GRIN2C: variants seen among roughly 807,000 people sequenced by gnomAD.
GRIN2C encodes the protein glutamate ionotropic receptor NMDA type subunit 2C.
GRIN2C carries 64 observed loss-of-function variants against 77.7 expected under a neutral mutation model. The ratio of observed to expected loss-of-function variants is 0.82; its 90% CI spans 0.67 to 1.01. The LOEUF (loss-of-function observed/expected upper bound fraction) is 1.01, where lower values mean the gene tolerates loss of function less well. GRIN2C is among the 50% of genes least tolerant of loss of function. The probability of loss-of-function intolerance (pLI) is 0.00; values close to 1 mark genes in which losing one functional copy is unlikely to be tolerated. For missense variants in GRIN2C, 1,549 were observed against 1,486.0 expected (o/e 1.04, Z -0.70); for synonymous variants, 792 against 643.4 (o/e 1.23, Z -3.49).
In GRIN2C at chr17:74,851,631, C is replaced by G; in HGVS notation, c.1059G>C (p.Leu353=). 1 of 1,573,028 alleles carries G rather than the reference C, an allele frequency of 6.4e-7. No individual in the cohort carries two copies. The highest frequency in any genetic ancestry group is 8.6e-7 in the Non-Finnish European group (1 of 1,158,180). ...CGATCACCACCATGGTGGGCTGGAC[C>G]AGGTACCCACCAGGGCTGAAGGAGA... The part of the protein sequence containing the change: ...RDFSFSPGGY[L]VQPTMVVIAL... Residue 353 remains leucine (L), a synonymous_variant, in exon 4 of 13, where the codon CTG becomes CTC. Coordinates refer to ENST00000293190, the MANE Select transcript of GRIN2C (RefSeq NM_000835.6).
rs761149425 is a variant in GRIN2C at position 74,846,091 on chromosome 17, C to T, written c.2325G>A (p.Leu775=). 1 of 1,614,200 alleles carries T rather than the reference C, an allele frequency of 6.2e-7. No individual in the cohort carries two copies. Among genetic ancestry groups the T allele is most frequent in the South Asian group, 1.1e-5 (1 of 91,086 alleles). The change falls in exon 11 of 13, where the codon CTG becomes CTA. Residue 775 remains leucine (L), a synonymous_variant. Transcript: ENST00000293190. This position sits in a 1 kb window ranked among gnomAD's most constrained non-coding sequence, Gnocchi z 4.4. The stretch of plus-strand genomic sequence containing the variant: ...CGTCCCCCAGGAACTGCAAGAGCGC[C>T]AGGTCTATGGCCCGCTTCCAGTGGG... ...KDSHWKRAID[L]ALLQFLGDGE... is the part of the protein sequence containing the mutation.
rs114900143 is a variant in GRIN2C, at chr17:74,851,376, T to C, written c.1113+201A>G. ...ATAGTAGAGGGAAGCCGGGGTGTTA[T>C]GGGAGCCCAGAGCAGGGCACCTCAC... On this transcript the variant is annotated intron_variant, in intron 4 of 12. Transcript: ENST00000293190. 1.9e-3 allele frequency: 1,098 copies of C among 563,758 alleles called. 11 individuals are homozygous for C. The highest frequency in any genetic ancestry group is 0.019 in the African/African-American group (1,023 of 53,294). 34.9% of individuals were successfully genotyped at this position (563,758 alleles called of 1,614,324 possible).
In GRIN2C at chr17:74,847,149, G is replaced by A; in HGVS notation, c.2001+159C>T. 1 of 726,160 alleles carries A rather than the reference G, an allele frequency of 1.4e-6. No individual in the cohort carries two copies. The highest frequency in any genetic ancestry group is 2.2e-6 in the Non-Finnish European group (1 of 444,816). The allele number at this position is 726,160 out of a possible 1,614,324, so 45.0% of individuals were successfully genotyped here. On this transcript the variant is annotated intron_variant, in intron 9 of 12. Coordinates refer to ENST00000293190, the MANE Select transcript of GRIN2C (RefSeq NM_000835.6). The surrounding 1 kb of genome is among the most constrained non-coding windows in gnomAD (Gnocchi z 5.2). ...AGCCGGTGGCCCTGAGCCATCTCTT[G>A]CCCCAGCCCCCAACCCCTTCTCAGC...
At chr17:74,860,140 G>A (rs953061362), upstream of GRIN2C, among the ~76,000 whole-genome samples, 15 of 152,084 alleles carry the variant, frequency 9.9e-5, no homozygotes, top group Non-Finnish European at 2.1e-4. Context: ...GAACCCAGGT[G>A]TCCCGGACCT....
At position 74,849,032 on chromosome 17, in the gene GRIN2C, AG is replaced by A. The variant is rs1235902344; in HGVS notation, c.1645+747del. 6.8e-6 allele frequency among the ~76,000 whole-genome samples: 1 copy of A among 147,534 alleles called. No homozygotes were observed. Among genetic ancestry groups the A allele is most frequent in the African/African-American group, 2.5e-5 (1 of 40,710 alleles). On this transcript the variant is annotated intron_variant, in intron 7 of 12. Coordinates refer to ENST00000293190, the MANE Select transcript of GRIN2C (RefSeq NM_000835.6). This position sits in a 1 kb window ranked among gnomAD's most constrained non-coding sequence, Gnocchi z 4.6. The stretch of plus-strand genomic sequence containing the variant: ...CACCCTGTCTCAAAAAAAAAAAGGA[AG>A]GAAAGAAGAAAGGAAGAGTGGGAAG...
chr17:74,853,011 T>A, intron 2 of GRIN2C: 1 of 174,982 alleles, frequency 5.7e-6, no homozygotes, highest in Non-Finnish European at 1.2e-5. Flanking sequence ...CAACTGAATC[T>A]GAATTCCAGA....
intron 3 of GRIN2C, 65 bp downstream of exon 3, chr17:74,851,948 C>T: frequency 7.7e-7 from 1 of 1,293,014 alleles, no homozygotes; most frequent in Non-Finnish European, 1.0e-6. Flanking sequence ...CCCAAACTCA[C>T]TGCCAGCCAG....
chr17:74,844,152 G>T, intron 12 of GRIN2C, 124 bp downstream of exon 12: 1 of 1,479,192 alleles, frequency 6.8e-7, no homozygotes, highest in Non-Finnish European at 8.9e-7. Context: ...GAGATTACAG[G>T]TGTGAGCCAT....
rs768103354 is a variant in GRIN2C, at chr17:74,855,024, C to G, written c.69G>C (p.Pro23=). ...SLFGAWAGLG[P]GQGEQGMTVA... Reference sequence around the variant, plus strand: ...CCGTCATGCCCTGCTCGCCCTGCCCCGGACCCAGCCCTGCCCAGGCACCGA... The same window carrying G: ...CCGTCATGCCCTGCTCGCCCTGCCCGGGACCCAGCCCTGCCCAGGCACCGA... Residue 23 remains proline, a synonymous_variant, in exon 2 of 13, where the codon CCG becomes CCC. Transcript: ENST00000293190. The G allele has an allele frequency of 3.1e-6, 5 of 1,601,798 alleles. No individual in the cohort carries two copies. The highest frequency in any genetic ancestry group is 1.7e-4 in the Middle Eastern group (1 of 5,942).
Position 74,849,891 on chromosome 17 carries a change from T to C in GRIN2C, c.1534A>G (p.Ile512Val). 6.2e-7 allele frequency: 1 copy of C among 1,613,384 alleles called. No individual in the cohort carries two copies. Among genetic ancestry groups the C allele is most frequent in the Non-Finnish European group, 8.5e-7 (1 of 1,179,628 alleles). ...ACGATCTCGGAGCGTTCCTCATTGA[T>C]GGTGAGGGAGCCGATGGCCATGTCT... is the stretch of plus-strand genomic sequence containing the variant. ...RADMAIGSLT[I>V]NEERSEIVDF... is the part of the protein sequence containing the mutation. Residue 512 changes from isoleucine (I) to valine (V), a missense_variant, in exon 7 of 13, where the codon ATC (isoleucine) becomes GTC (valine). Transcript: ENST00000293190. This position sits in a 1 kb window ranked among gnomAD's most constrained non-coding sequence, Gnocchi z 4.6.
At chr17:74,856,871 G>A (rs528033952) in intron 1 of GRIN2C, among the ~76,000 whole-genome samples, 12 of 152,228 alleles carry the variant, frequency 7.9e-5, no homozygotes, top group African/African-American at 1.4e-4. Flanking sequence ...TCCAGAGAGC[G>A]GGGAAGTGCA....
Position 74,847,606 on chromosome 17 carries a change from C to T in GRIN2C, c.1772-69G>A, listed in dbSNP as rs931747059. ...CCATGAAAGGGCTCAGGGCTCAGCC[C>T]ACCCGACTGCACAGCTCCGGTCTCA... On this transcript the variant is annotated intron_variant, in intron 8 of 12. Coordinates refer to ENST00000293190, the MANE Select transcript of GRIN2C (RefSeq NM_000835.6). The surrounding 1 kb of genome is among the most constrained non-coding windows in gnomAD (Gnocchi z 5.2). 1.7e-6 allele frequency: 2 copies of T among 1,148,416 alleles called. No homozygotes were observed. Among genetic ancestry groups the T allele is most frequent in the African/African-American group, 1.5e-5 (1 of 65,300 alleles). 71.1% of individuals were successfully genotyped at this position (1,148,416 alleles called of 1,614,324 possible). A position where few individuals can be genotyped will look rare whatever the true frequency, so the allele number is the denominator to read the frequency against.
At chr17:74,851,540 A>AG (rs1454012075) in intron 4 of GRIN2C, 37 bp downstream of exon 4, 2 of 1,228,496 alleles carry the variant, frequency 1.6e-6, no homozygotes, top group South Asian at 2.6e-5. Flanking sequence ...ACAAAATAAG[A>AG]GGACACTGAG....
intron 4 of GRIN2C, 104 bp downstream of exon 4, chr17:74,851,473 G>T: frequency 1.5e-6 from 1 of 661,206 alleles, no homozygotes; most frequent in Non-Finnish European, 2.7e-6. Flanking sequence ...AAGATGAGGG[G>T]TTGGATAAGG....
rs1272765930 is a variant in GRIN2C, at chr17:74,850,718, G to A, written c.1163C>T (p.Pro388Leu). The stretch of plus-strand genomic sequence containing the variant: ...AGGCTGCAGAGAGGCACTGTAGCGA[G>A]GCCACACGGGGTACTTCATGTATAG... ...GVLYMKYPVW[P>L]RYSASLQPVV... is the part of the protein sequence containing the mutation. The change falls in exon 5 of 13, where the codon CCT (proline) becomes CTT (leucine). Residue 388 changes from proline to leucine, a missense_variant. Around this residue, in one of 3 missense-constraint regions of GRIN2C, gnomAD observed 717 missense variants for 858.1 expected, o/e 0.84. Coordinates refer to ENST00000293190, the MANE Select transcript of GRIN2C (RefSeq NM_000835.6). The surrounding 1 kb of genome is among the most constrained non-coding windows in gnomAD (Gnocchi z 5.3). 6 of 1,613,398 alleles carry A rather than the reference G, an allele frequency of 3.7e-6. No individual in the cohort carries two copies. The highest frequency in any genetic ancestry group is 1.6e-4 in the Middle Eastern group (1 of 6,080).
rs933980527 is a variant in GRIN2C, at chr17:74,852,303, G to C, written c.708C>G (p.Leu236=). The change falls in exon 3 of 13, where the codon CTC becomes CTG. Residue 236 remains leucine, a synonymous_variant. Transcript: ENST00000293190. ...GACCGGCCTGCGCCGCCTCGGCGAA[G>C]AGCACCTCGGCCTCCTCGCGCGAGC... ...AYCSREEAEV[L]FAEAAQAGLV... The C allele has an allele frequency of 6.3e-6, 9 of 1,437,282 alleles. No individual in the cohort carries two copies. The highest frequency in any genetic ancestry group is 1.4e-5 in the South Asian group (1 of 72,060). The allele number at this position is 1,437,282 out of a possible 1,614,324, so 89.0% of individuals were successfully genotyped here. A position where few individuals can be genotyped will look rare whatever the true frequency, so the allele number is the denominator to read the frequency against.
chr17:74,855,327 G>C (rs1223629724), intron 1 of GRIN2C, among the ~76,000 whole-genome samples: 2 of 152,104 alleles, frequency 1.3e-5, no homozygotes, highest in Admixed American at 6.5e-5. Context: ...TCCCAGAAGA[G>C]CAAGGGCTGG....
At chr17:74,851,965 CG>C in intron 3 of GRIN2C, 47 bp downstream of exon 3, 1 of 1,404,528 alleles carries the variant, frequency 7.1e-7, no homozygotes, top group Non-Finnish European at 9.5e-7. Context: ...CCAGCTCCCC[CG>C]AAGCGCTCCC....
At chr17:74,858,867 G>A in intron 1 of GRIN2C, among the ~76,000 whole-genome samples, 1 of 151,910 alleles carries the variant, frequency 6.6e-6, no homozygotes, top group Non-Finnish European at 1.5e-5. Context: ...CATCCCCCAG[G>A]CTGGAATGTC....
Sources: gnomAD v4.1 joint callset for allele counts (sites outside exome capture counted in the v4.1 genomes callset) on GRCh38, gnomAD v4.1.1 for gene constraint, gnomAD v4.1.1 regional missense constraint, Gnocchi (gnomAD v3.1) non-coding constraint, MANE v1.5 for transcripts, NCBI Gene and HGNC (gene_info 2026-07-23, HGNC 2026-07-21) for gene names.